KANTR: variants seen among roughly 807,000 people sequenced by gnomAD.
KANTR encodes the protein KANTR integral membrane protein.
At chrX:53,140,557 T>C in intron 2 of KANTR, among the ~76,000 whole-genome samples, 1 of 108,868 alleles carries the variant, frequency 9.2e-6, no homozygotes, top group Non-Finnish European at 1.9e-5. Context: ...ACAATTCTGT[T>C]CCTGGGTACA....
chrX:53,105,481 G>C (rs1178557602), intron 2 of KANTR, among the ~76,000 whole-genome samples: 2 of 87,002 alleles, frequency 2.3e-5, no homozygotes, highest in African/African-American at 3.8e-5. Context: ...TTATTATTGA[G>C]TTGCAGGACT....
intron 2 of KANTR, among the ~76,000 whole-genome samples, chrX:53,121,608 T>G (rs113873984): frequency 2.8e-3 from 311 of 110,609 alleles, no homozygotes; most frequent in East Asian, 8.5e-3. Context: ...TGTTTTTTTT[T>G]TTTGTTTGTT....
chrX:53,119,973 C>T (rs1556815244), intron 2 of KANTR, among the ~76,000 whole-genome samples: 2 of 111,450 alleles, frequency 1.8e-5, no homozygotes, highest in Non-Finnish European at 3.8e-5. Flanking sequence ...CCCACCTTGG[C>T]CTCCCAAAGT....
intron 2 of KANTR, among the ~76,000 whole-genome samples, chrX:53,107,214 A>T (rs782696768): frequency 6.1e-5 from 6 of 98,786 alleles, no homozygotes; most frequent in African/African-American, 2.3e-4. Flanking sequence ...TACAGATAGG[A>T]TCTTTCTCTG....
At chrX:53,124,040 A>G in exon 3 of KANTR, 1 of 208,855 alleles carries the variant, frequency 4.8e-6, no homozygotes, top group Non-Finnish European at 8.3e-6. Flanking sequence ...TCCACATACC[A>G]AGTGGAAGAA....
chrX:53,109,029 G>A (rs1932991514), intron 2 of KANTR, among the ~76,000 whole-genome samples: 1 of 111,381 alleles, frequency 9.0e-6, no homozygotes, highest in Non-Finnish European at 1.9e-5. Flanking sequence ...TGTCTTTTGT[G>A]GTTTATACAA....
chrX:53,141,928 A>C, exon 3 of KANTR: 1 of 499,807 alleles, frequency 2.0e-6, no homozygotes, highest in Non-Finnish European at 2.6e-6. Flanking sequence ...TAAGAAAGGA[A>C]ACTGGGTCCT....
chrX:53,121,234 C>T (rs1284166540), intron 2 of KANTR, among the ~76,000 whole-genome samples: 2 of 111,688 alleles, frequency 1.8e-5, no homozygotes, highest in African/African-American at 6.5e-5. Context: ...CTCCTGACCT[C>T]AGGTGATCTG....
At chrX:53,134,624 C>T (rs1187077288) in intron 2 of KANTR, among the ~76,000 whole-genome samples, 2 of 110,856 alleles carry the variant, frequency 1.8e-5, no homozygotes, top group African/African-American at 3.3e-5. Flanking sequence ...ATTTCAAACC[C>T]GATAACATTT....
intron 2 of KANTR, among the ~76,000 whole-genome samples, chrX:53,101,408 C>T (rs1252540285): frequency 2.7e-5 from 3 of 110,942 alleles, no homozygotes; most frequent in African/African-American, 9.8e-5. Flanking sequence ...GAGTTTGAGA[C>T]CAGCCTGGGC....
At chrX:53,136,732 T>TATATA (rs1933430807) in intron 2 of KANTR, among the ~76,000 whole-genome samples, 2 of 21,515 alleles carry the variant, frequency 9.3e-5, no homozygotes, top group Admixed American at 7.2e-4. Context: ...ATATATATAT[T>TATATA]TTGTTTGTTT....
At chrX:53,117,607 G>GTGTGTGTT (rs1933147246) in intron 2 of KANTR, among the ~76,000 whole-genome samples, 18 of 34,515 alleles carry the variant, frequency 5.2e-4, no homozygotes, top group African/African-American at 8.2e-4. Context: ...GTGTGTGTGT[G>GTGTGTGTT]TGTTTTTTTT....
At chrX:53,117,001 GC>G (rs1556814677) in intron 2 of KANTR, among the ~76,000 whole-genome samples, 1 of 111,456 alleles carries the variant, frequency 9.0e-6, no homozygotes, top group African/African-American at 3.3e-5. Flanking sequence ...AAAAGAATAG[GC>G]TGGGCGCGGC....
chrX:53,143,700 G>A (rs782543065), downstream of KANTR: 16 of 665,793 alleles, frequency 2.4e-5, no homozygotes, highest in East Asian at 2.6e-4. Flanking sequence ...TGCCATGCTC[G>A]ATAGGGTACT....
intron 2 of KANTR, among the ~76,000 whole-genome samples, chrX:53,134,219 G>A (rs1307677178): frequency 9.0e-6 from 1 of 110,884 alleles, no homozygotes; most frequent in Non-Finnish European, 1.9e-5. Context: ...AAAATTAGCC[G>A]GACGTGGTGG....
chrX:53,118,000 A>G (rs1933158653), intron 2 of KANTR, among the ~76,000 whole-genome samples: 1 of 111,631 alleles, frequency 9.0e-6, no homozygotes, highest in Admixed American at 9.5e-5. Flanking sequence ...ATGTAGCTAG[A>G]GTTTGTTTAC....
Position 53,116,164 on chromosome X carries a change from G to T in KANTR, c.-804-7305G>T, listed in dbSNP as rs990942855. On this transcript the variant is annotated intron_variant, in intron 2 of 2. Transcript: ENST00000604062. ...TTCTTTTTAAGCCTGGATTCCTAGG[G>T]GTCACACCTGGTGAATAAATATAAT... 3.5e-4 allele frequency among the ~76,000 whole-genome samples: 39 copies of T among 111,415 alleles called. 1 individual carries two copies. Among genetic ancestry groups the T allele is most frequent in the Non-Finnish European group, 6.0e-4 (32 of 53,115 alleles).
chrX:53,112,094 C>T (rs1933050700), intron 2 of KANTR, among the ~76,000 whole-genome samples: 1 of 110,607 alleles, frequency 9.0e-6, no homozygotes. Context: ...TACACTATAC[C>T]CAATGTGTAG....
intron 2 of KANTR, among the ~76,000 whole-genome samples, chrX:53,112,443 A>G (rs1374178863): frequency 8.9e-6 from 1 of 111,991 alleles, no homozygotes; most frequent in Non-Finnish European, 1.9e-5. Context: ...ATGCGTGTGC[A>G]AGTGTCTTTT....
Sources: allele counts gnomAD v4.1 joint callset (sites outside exome capture counted in the v4.1 genomes callset), GRCh38; gene constraint gnomAD v4.1.1; transcripts MANE v1.5; gene names NCBI Gene and HGNC (gene_info 2026-07-23, HGNC 2026-07-21).